EPC1: variants seen among roughly 807,000 people sequenced by gnomAD.
EPC1 encodes the protein enhancer of polycomb homolog 1.
EPC1 carries 12 observed loss-of-function variants against 98.4 expected under a neutral mutation model. The observed-to-expected ratio is 0.12, with a 90% confidence interval of 0.08 to 0.20. EPC1 has a LOEUF of 0.20. EPC1 is among the 10% of genes least tolerant of loss of function. EPC1 has a pLI of 1.00. For missense variants in EPC1, 729 were observed against 990.5 expected (o/e 0.74, Z 3.54); for synonymous variants, 357 against 363.9 (o/e 0.98, Z 0.21).
In EPC1 at chr10:32,284,663, T is replaced by G. The variant is rs11816392; in HGVS notation, c.1744+35A>C. ...ATGGGAAATGGTTGGACCTGACATT[T>G]CTATAGAAACGTACATCATTAACAG... On this transcript the variant is annotated intron_variant, in intron 10 of 13. Coordinates refer to ENST00000319778, the MANE Select transcript of EPC1 (RefSeq NM_001272004.3). The G allele has an allele frequency of 0.012, 18,014 of 1,524,382 alleles. 1,482 individuals carry two copies. In the African/African-American group the frequency reaches 0.2, roughly 17 times the overall value. 94.4% of individuals were successfully genotyped at this position (1,524,382 alleles called of 1,614,324 possible).
intron 1 of EPC1, among the ~76,000 whole-genome samples, chr10:32,341,480 T>A (rs561653777): frequency 2.2e-4 from 33 of 152,336 alleles, no homozygotes; most frequent in Admixed American, 7.2e-4. Flanking sequence ...TGAACCTTTA[T>A]GCAGAATTTT....
intron 1 of EPC1, among the ~76,000 whole-genome samples, chr10:32,364,936 G>C (rs1835515826): frequency 6.8e-6 from 1 of 146,672 alleles, no homozygotes; most frequent in East Asian, 2.0e-4. Context: ...TAGCTCATCG[G>C]CTATCGTTTG....
At chr10:32,295,822 C>T (rs1280656684) in intron 2 of EPC1, among the ~76,000 whole-genome samples, 16 of 152,064 alleles carry the variant, frequency 1.1e-4, no homozygotes, top group Admixed American at 1.0e-3. Flanking sequence ...GCACAGATTA[C>T]AGAACATTTC....
chr10:32,287,387 A>G, intron 6 of EPC1, 113 bp from the exon 7 acceptor site: 2 of 1,027,814 alleles, frequency 1.9e-6, no homozygotes, highest in Non-Finnish European at 2.9e-6. Flanking sequence ...ATTCATATTC[A>G]TAAGAGACAC....
At chr10:32,343,304 G>A (rs1470109099) in intron 1 of EPC1, among the ~76,000 whole-genome samples, 2 of 152,082 alleles carry the variant, frequency 1.3e-5, no homozygotes, top group Non-Finnish European at 2.9e-5. Context: ...TCCACCTCCC[G>A]GGTTCAAGCG....
intron 1 of EPC1, among the ~76,000 whole-genome samples, chr10:32,333,468 G>A (rs928868448): frequency 1.3e-5 from 2 of 152,172 alleles, no homozygotes; most frequent in African/African-American, 4.8e-5. Flanking sequence ...CAAAAAATGA[G>A]AAGATATAAA....
At position 32,278,538 on chromosome 10, in the gene EPC1, C is replaced by A. The variant is rs556944658; in HGVS notation, c.1745-5257G>T. On this transcript the variant is annotated intron_variant, in intron 10 of 13. Coordinates refer to ENST00000319778, the MANE Select transcript of EPC1 (RefSeq NM_001272004.3). ...CTGGGACTACAGGCGCCCGCCACTA[C>A]GCCCGTCTAATTTTTTGTATTTTTA... Among the ~76,000 whole-genome samples, 136 of 147,168 alleles carry A rather than the reference C, an allele frequency of 9.2e-4. 1 individual carries two copies. The highest frequency in any genetic ancestry group is 3.3e-3 in the African/African-American group (133 of 39,816).
chr10:32,328,318 A>G (rs1837425390), intron 1 of EPC1, among the ~76,000 whole-genome samples: 1 of 152,218 alleles, frequency 6.6e-6, no homozygotes, highest in Admixed American at 6.5e-5. Context: ...CACAGAGCCC[A>G]ACAGGTTACC....
chr10:32,342,941 G>GT (rs1194190925), intron 1 of EPC1, among the ~76,000 whole-genome samples: 6 of 152,166 alleles, frequency 3.9e-5, no homozygotes, highest in Non-Finnish European at 7.3e-5. Flanking sequence ...CATTTGGTAA[G>GT]TTTAACCTTT....
At chr10:32,334,752 T>G (rs1304144606) in intron 1 of EPC1, among the ~76,000 whole-genome samples, 3 of 152,196 alleles carry the variant, frequency 2.0e-5, no homozygotes, top group African/African-American at 7.2e-5. Context: ...CCTGTGAGAC[T>G]GTGTTTTGTA....
intron 1 of EPC1, chr10:32,377,201 T>C (rs1839887920): frequency 6.6e-6 from 1 of 152,206 alleles, no homozygotes; most frequent in Admixed American, 6.5e-5. Context: ...AGACTATCTG[T>C]AATTCAGTTG....
rs1214065914 is a variant in EPC1, at chr10:32,268,997, A to G, written c.*66T>C. 4 of 1,359,102 alleles carry G rather than the reference A, an allele frequency of 2.9e-6. No homozygotes were observed. Among genetic ancestry groups the G allele is most frequent in the Non-Finnish European group, 4.2e-6 (4 of 957,424 alleles). The allele number at this position is 1,359,102 out of a possible 1,614,324, so 84.2% of individuals were successfully genotyped here. The stretch of plus-strand genomic sequence containing the variant: ...TGTGCTGCTTTCCATCATCCCTTGC[A>G]TTCAAAATGCTACTGATGCATAGCA... On this transcript the variant is annotated 3_prime_UTR_variant, in exon 14 of 14. Coordinates refer to ENST00000319778, the MANE Select transcript of EPC1 (RefSeq NM_001272004.3).
At chr10:32,363,496 C>T (rs1248981233) in intron 1 of EPC1, among the ~76,000 whole-genome samples, 3 of 152,086 alleles carry the variant, frequency 2.0e-5, no homozygotes, top group Non-Finnish European at 4.4e-5. Context: ...AAATGCTAAG[C>T]TGGGTTTATG....
chr10:32,294,374 T>A (rs1480617255), intron 2 of EPC1, among the ~76,000 whole-genome samples: 1 of 152,242 alleles, frequency 6.6e-6, no homozygotes, highest in East Asian at 1.9e-4. Flanking sequence ...ATTCATTTTT[T>A]TCACATATAC....
chr10:32,342,044 GTA>G (rs1838391163), intron 1 of EPC1, among the ~76,000 whole-genome samples: 1 of 152,178 alleles, frequency 6.6e-6, no homozygotes, highest in South Asian at 2.1e-4. Flanking sequence ...CCTTTGGACA[GTA>G]TAGAAAGCTG....
chr10:32,310,014 G>A (rs1836113548), intron 1 of EPC1, among the ~76,000 whole-genome samples: 1 of 151,664 alleles, frequency 6.6e-6, no homozygotes, highest in African/African-American at 2.4e-5. Flanking sequence ...GGCCAACATG[G>A]TGAAACCCCG....
chr10:32,272,216 A>G, intron 11 of EPC1, 49 bp from the exon 12 acceptor site: 1 of 1,487,506 alleles, frequency 6.7e-7, no homozygotes, highest in East Asian at 2.4e-5. Flanking sequence ...TTAGTATCAA[A>G]TCAATATCAA....
upstream of EPC1, chr10:32,347,611 G>T (rs1838942021): frequency 1.3e-5 from 2 of 152,092 alleles, no homozygotes; most frequent in African/African-American, 2.4e-5. Flanking sequence ...CGGCTGCCCC[G>T]GGGCCACGGC....
intron 1 of EPC1, among the ~76,000 whole-genome samples, chr10:32,340,383 T>A (rs1302171300): frequency 6.6e-6 from 1 of 152,196 alleles, no homozygotes; most frequent in African/African-American, 2.4e-5. Flanking sequence ...CTTCATATAT[T>A]TAAAGGTGCA....
Sources: gnomAD v4.1 joint callset for allele counts (sites outside exome capture counted in the v4.1 genomes callset) on GRCh38, gnomAD v4.1.1 for gene constraint, MANE v1.5 for transcripts, NCBI Gene and HGNC (gene_info 2026-07-23, HGNC 2026-07-21) for gene names.